Variants in KAT6A observed in about 807,000 individuals in gnomAD.
KAT6A encodes the protein lysine acetyltransferase 6A.
A neutral mutation model predicts 198.4 loss-of-function variants in KAT6A; 9 were observed. That is an observed-to-expected ratio of 0.05 (90% CI 0.03 to 0.08). The LOEUF (loss-of-function observed/expected upper bound fraction) is 0.08. Ranked by LOEUF, KAT6A falls within the 10% of genes least tolerant of loss-of-function variation. The pLI is 1.00. For synonymous variants in KAT6A, 890 were observed against 883.0 expected, an observed-to-expected ratio of 1.01 and a Z score of -0.14; for missense variants, 2,077 against 2,509.9, an observed-to-expected ratio of 0.83 and a Z score of 3.69.
intron 9 of KAT6A, among the ~76,000 whole-genome samples, chr8:41,952,516 A>T (rs970640351): frequency 3.3e-5 from 5 of 152,216 alleles, no homozygotes; most frequent in African/African-American, 1.2e-4. Context: ...AAAGACAGGG[A>T]TACAAGATTA....
At chr8:42,011,076 C>T (rs754884735) in intron 2 of KAT6A, among the ~76,000 whole-genome samples, 15 of 152,184 alleles carry the variant, frequency 9.9e-5, no homozygotes, top group Non-Finnish European at 1.6e-4. Context: ...TCATTCCTTA[C>T]AGTTTGGTCC....
intron 2 of KAT6A, among the ~76,000 whole-genome samples, chr8:42,002,719 A>G (rs1216192107): frequency 6.6e-6 from 1 of 152,234 alleles, no homozygotes; most frequent in Non-Finnish European, 1.5e-5. Flanking sequence ...TTAAGGCTAT[A>G]TAACACTTCA....
intron 5 of KAT6A, among the ~76,000 whole-genome samples, chr8:41,979,489 T>G (rs1824240791): frequency 1.3e-5 from 2 of 150,272 alleles, no homozygotes; most frequent in Admixed American, 1.3e-4. Flanking sequence ...AAACATTAGC[T>G]GCAAGCCAGG....
intron 2 of KAT6A, among the ~76,000 whole-genome samples, chr8:42,006,154 T>C (rs1047686377): frequency 5.9e-5 from 9 of 152,210 alleles, no homozygotes; most frequent in African/African-American, 2.2e-4. Context: ...AAAACGAATT[T>C]TAAGAAACAG....
rs770584269 is a variant in KAT6A at position 41,941,318 on chromosome 8, T to G, written c.2563A>C (p.Ser855Arg). 1 of 1,613,896 alleles carries G rather than the reference T, an allele frequency of 6.2e-7. No individual in the cohort carries two copies. The highest frequency in any genetic ancestry group is 8.5e-7 in the Non-Finnish European group (1 of 1,180,026). ...RLSKQVLPHD[S>R]LPANSQPSRR... ...GATGGCTGGCTATTTGCAGGAAGAC[T>G]ATCATGAGGAAGGACTTGTTTGCTC... The change falls in exon 15 of 17, where the codon AGT (serine) becomes CGT (arginine). Residue 855 changes from serine to arginine, a missense_variant. Coordinates refer to ENST00000265713, the MANE Select transcript of KAT6A (RefSeq NM_006766.5).
At chr8:41,967,274 A>AAAATTTATTT (rs544924028) in intron 8 of KAT6A, among the ~76,000 whole-genome samples, 1 of 142,798 alleles carries the variant, frequency 7.0e-6, no homozygotes, top group East Asian at 2.0e-4. Context: ...TAAAAAAAAA[A>AAAATTTATTT]ATTTATTTAT....
chr8:41,955,703 T>C (rs1436207683), intron 8 of KAT6A, among the ~76,000 whole-genome samples: 1 of 152,172 alleles, frequency 6.6e-6, no homozygotes, highest in Non-Finnish European at 1.5e-5. Context: ...TCACTCTTAA[T>C]GACTTAATAT....
intron 2 of KAT6A, among the ~76,000 whole-genome samples, chr8:42,031,062 A>G (rs1306095542): frequency 6.7e-6 from 1 of 148,876 alleles, no homozygotes; most frequent in African/African-American, 2.5e-5. Context: ...GGAGAAATGT[A>G]TACATAAAGT....
rs1427124890 is a variant in KAT6A at position 42,048,544 on chromosome 8, T to C, written c.434A>G (p.Gln145Arg). The C allele has an allele frequency of 3.1e-6, 5 of 1,614,214 alleles. No individual in the cohort carries two copies. The East Asian group carries it at 1.1e-4, about 36-fold the overall frequency. The change falls in exon 2 of 17, where the codon CAG becomes CGG. Residue 145 changes from glutamine (Q) to arginine (R), a missense_variant. Gln to Arg is a conservative substitution (Grantham distance 43). This residue lies in a region of KAT6A where 185 missense variants were observed against 185.7 expected (regional missense o/e 1.00). Transcript: ENST00000265713. ...FGGSAASGFHQQLRLAIKRAI... is the reference protein window; with the variant it reads ...FGGSAASGFHRQLRLAIKRAI... ...ACGTTTGATAGCCAATCGTAACTGC[T>C]GGTGAAAGCCAGAGGCAGCACTGCC...
intron 9 of KAT6A, among the ~76,000 whole-genome samples, chr8:41,954,928 T>G (rs1822850906): frequency 6.6e-6 from 1 of 152,154 alleles, no homozygotes; most frequent in African/African-American, 2.4e-5. Flanking sequence ...TTTATTTACA[T>G]CAAAGACTAA....
intron 9 of KAT6A, 134 bp from the exon 10 acceptor site, chr8:41,949,497 AC>A (rs148206062): frequency 6.2e-6 from 3 of 485,544 alleles, no homozygotes; most frequent in East Asian, 7.0e-5. Flanking sequence ...ATGCAAAAAT[AC>A]TGGACGGTAA....
At chr8:42,037,064 AC>A (rs1211290286) in intron 2 of KAT6A, among the ~76,000 whole-genome samples, 1 of 152,162 alleles carries the variant, frequency 6.6e-6, no homozygotes, top group Admixed American at 6.6e-5. Context: ...ATGGTTCTCA[AC>A]CCCAGCTGCA....
At chr8:42,005,796 A>ACACACACACACACACACACACACT (rs71239089) in intron 2 of KAT6A, among the ~76,000 whole-genome samples, 1 of 148,794 alleles carries the variant, frequency 6.7e-6, no homozygotes, top group African/African-American at 2.5e-5. Context: ...ACACACACAC[A>ACACACACACACACACACACACACT]CACTCACTCT....
chr8:42,036,269 A>T (rs1254718417), intron 2 of KAT6A, among the ~76,000 whole-genome samples: 1 of 152,008 alleles, frequency 6.6e-6, no homozygotes, highest in Non-Finnish European at 1.5e-5. Flanking sequence ...GGAGGCCACA[A>T]ATTTGTAAGT....
At chr8:42,007,940 C>T (rs955171019) in intron 2 of KAT6A, among the ~76,000 whole-genome samples, 2 of 117,910 alleles carry the variant, frequency 1.7e-5, no homozygotes, top group East Asian at 2.5e-4. Flanking sequence ...CCAGCCTGGG[C>T]GACAGAGCGA....
chr8:41,971,865 T>C (rs536027012), intron 8 of KAT6A, among the ~76,000 whole-genome samples: 1 of 151,862 alleles, frequency 6.6e-6, no homozygotes, highest in African/African-American at 2.4e-5. Flanking sequence ...CCATTAGGAT[T>C]TGCTGATGGA....
chr8:41,938,323 T>G (rs543164435), intron 15 of KAT6A, among the ~76,000 whole-genome samples: 2 of 152,364 alleles, frequency 1.3e-5, no homozygotes, highest in Admixed American at 1.3e-4. Flanking sequence ...GTGAGCTTAC[T>G]GCCTGTTCTT....
At chr8:42,030,955 G>A (rs1452067402) in intron 2 of KAT6A, among the ~76,000 whole-genome samples, 1 of 137,748 alleles carries the variant, frequency 7.3e-6, no homozygotes, top group East Asian at 2.2e-4. Flanking sequence ...AAGTGCATGA[G>A]CATATATTGT....
At chr8:41,988,298 A>T (rs962615880) in intron 2 of KAT6A, among the ~76,000 whole-genome samples, 13 of 152,230 alleles carry the variant, frequency 8.5e-5, no homozygotes, top group Non-Finnish European at 1.2e-4. Context: ...GGGAAAAAAA[A>T]TAAAAGAAAG....
Sources: gnomAD v4.1 joint callset for allele counts (sites outside exome capture counted in the v4.1 genomes callset) on GRCh38, gnomAD v4.1.1 for gene constraint, gnomAD v4.1.1 regional missense constraint, MANE v1.5 for transcripts, NCBI Gene and HGNC (gene_info 2026-07-23, HGNC 2026-07-21) for gene names.